ANO5: variants seen among roughly 807,000 people sequenced by gnomAD.
ANO5 encodes anoctamin-5.
ANO5 carries 109 observed loss-of-function variants against 121.0 expected under a neutral mutation model. The observed-to-expected ratio is 0.90, with a 90% confidence interval of 0.77 to 1.06. ANO5 has a LOEUF of 1.06. Among genes scored for constraint, ANO5 ranks in the 50% least tolerant of loss-of-function variants. ANO5 has a pLI of 0.00. For missense variants in ANO5, 1,064 were observed against 1,078.5 expected, an observed-to-expected ratio of 0.99 and a Z score of 0.19; for synonymous variants, 406 against 359.9, an observed-to-expected ratio of 1.13 and a Z score of -1.45.
At chr11:22,258,283 T>G (rs1322636074) in intron 14 of ANO5, among the ~76,000 whole-genome samples, 2 of 152,222 alleles carry the variant, frequency 1.3e-5, no homozygotes, top group Non-Finnish European at 2.9e-5. Flanking sequence ...CCCCATATGA[T>G]TTATCTTTAG....
chr11:22,204,212 C>T (rs953400963), intron 2 of ANO5, among the ~76,000 whole-genome samples: 1 of 152,022 alleles, frequency 6.6e-6, no homozygotes, highest in Admixed American at 6.6e-5. Context: ...ATGATTAGTG[C>T]TTATCTATGA....
chr11:22,257,079 T>TTG (rs1564940201), intron 13 of ANO5, among the ~76,000 whole-genome samples: 4 of 151,936 alleles, frequency 2.6e-5, no homozygotes, highest in African/African-American at 7.3e-5. Context: ...AGCGTTTTTT[T>TTG]TTTGTTTGTT....
intron 17 of ANO5, among the ~76,000 whole-genome samples, chr11:22,268,431 C>A (rs147150666): frequency 2.8e-5 from 4 of 143,336 alleles, no homozygotes; most frequent in South Asian, 2.1e-4. Flanking sequence ...TAAATGATAT[C>A]TTTTTAGAAT....
chr11:22,210,884 A>T (rs1852255888), intron 2 of ANO5, among the ~76,000 whole-genome samples: 1 of 151,978 alleles, frequency 6.6e-6, no homozygotes. Context: ...TTCAGGATGC[A>T]GCATCATAAA....
Position 22,279,716 on chromosome 11 carries a change from A to G in ANO5, c.2693A>G (p.His898Arg). 1 of 1,612,936 alleles carries G rather than the reference A, an allele frequency of 6.2e-7. No homozygotes were observed. Among genetic ancestry groups the G allele is most frequent in the Non-Finnish European group, 8.5e-7 (1 of 1,179,196 alleles). The stretch of plus-strand genomic sequence containing the variant: ...ATTAATTCTAATGAATTTGCCAAGC[A>G]TGTCATGATTGAGGAAAACAAAGCA... ...LGINSNEFAK[H>R]VMIEENKAQL... The change falls in exon 22 of 22, where the codon CAT (histidine) becomes CGT (arginine). Residue 898 changes from histidine to arginine, a missense_variant. Coordinates refer to ENST00000324559, the MANE Select transcript of ANO5 (RefSeq NM_213599.3).
chr11:22,247,602 G>A lies in ANO5; in HGVS notation c.879-2635G>A, dbSNP rs544970153. ...CAAAAATAAGGAAGACAGAATGATA[G>A]GGTGTCTAGAAAGAGATACAGTTTA... On this transcript the variant is annotated intron_variant, in intron 9 of 21. Coordinates refer to ENST00000324559, the MANE Select transcript of ANO5 (RefSeq NM_213599.3). Among the ~76,000 whole-genome samples the A allele has an allele frequency of 8.5e-5, 13 of 152,190 alleles. No individual in the cohort carries two copies. In the East Asian group the frequency reaches 2.5e-3, roughly 29 times the overall value.
chr11:22,228,067 G>A (rs1392858065), intron 7 of ANO5, among the ~76,000 whole-genome samples: 1 of 151,806 alleles, frequency 6.6e-6, no homozygotes. Context: ...CTTCTAAATA[G>A]TCTTGTTTTC....
At chr11:22,207,907 G>A (rs1006035285) in intron 2 of ANO5, among the ~76,000 whole-genome samples, 2 of 151,938 alleles carry the variant, frequency 1.3e-5, no homozygotes, top group Non-Finnish European at 2.9e-5. Context: ...GAAATATGAT[G>A]GCAAATAAGC....
Position 22,269,192 on chromosome 11 carries a change from A to T in ANO5, c.1899-1120A>T, listed in dbSNP as rs1195943236. 9.8e-5 allele frequency among the ~76,000 whole-genome samples: 14 copies of T among 142,562 alleles called. 1 individual carries two copies. Among genetic ancestry groups the T allele is most frequent in the East Asian group, 4.1e-4 (2 of 4,928 alleles). The allele number at this position is 142,562 out of a possible 152,430, so 93.5% of individuals were successfully genotyped here. On this transcript the variant is annotated intron_variant, in intron 17 of 21. Transcript: ENST00000324559. The stretch of plus-strand genomic sequence containing the variant: ...GGGAAGGGAAGAGAAGGAAAAGGGA[A>T]GGGAAGGGAAGAGAAGGGAAGAAGG...
intron 14 of ANO5, 66 bp from the exon 15 acceptor site, chr11:22,259,453 G>A: frequency 7.0e-7 from 1 of 1,428,448 alleles, no homozygotes; most frequent in Non-Finnish European, 9.9e-7. Flanking sequence ...TAATCAATAT[G>A]TTAGATATAT....
At chr11:22,215,261 C>A (rs1852403362) in intron 3 of ANO5, among the ~76,000 whole-genome samples, 2 of 151,910 alleles carry the variant, frequency 1.3e-5, no homozygotes, top group Non-Finnish European at 2.9e-5. Context: ...TGATATGGCA[C>A]AGGCACAAAC....
chr11:22,258,723 A>C (rs576293061), intron 14 of ANO5, among the ~76,000 whole-genome samples: 1 of 152,222 alleles, frequency 6.6e-6, no homozygotes, highest in Non-Finnish European at 1.5e-5. Flanking sequence ...TTTAACTTCA[A>C]TGTAGAGCAT....
At chr11:22,263,096 C>A in intron 17 of ANO5, 53 bp downstream of exon 17, 1 of 1,454,654 alleles carries the variant, frequency 6.9e-7, no homozygotes, top group Non-Finnish European at 9.6e-7. Context: ...TGAGATATTT[C>A]CTCTAGAAGA....
At chr11:22,204,950 T>C (rs1413820138) in intron 2 of ANO5, among the ~76,000 whole-genome samples, 2 of 152,090 alleles carry the variant, frequency 1.3e-5, no homozygotes, top group African/African-American at 4.8e-5. Context: ...TCAACCTAAA[T>C]GCCCATCAAT....
At chr11:22,224,648 T>TC (rs913638839) in intron 5 of ANO5, among the ~76,000 whole-genome samples, 1 of 151,980 alleles carries the variant, frequency 6.6e-6, no homozygotes, top group African/African-American at 2.4e-5. Flanking sequence ...AAGGAAATGC[T>TC]CCAGGACATT....
chr11:22,250,350 C>T lies in ANO5; in HGVS notation c.992C>T (p.Ser331Leu). The T allele has an allele frequency of 1.9e-6, 3 of 1,613,502 alleles. No homozygotes were observed. Among genetic ancestry groups the T allele is most frequent in the Non-Finnish European group, 2.5e-6 (3 of 1,179,692 alleles). Residue 331 changes from serine to leucine, a missense_variant, in exon 10 of 22, where the codon TCA becomes TTA. By Grantham distance (145) the Ser-to-Leu change is moderately radical (BLOSUM62 -2). Transcript: ENST00000324559. ...GCTTGTTTTATTTATGGCTTATTATCAATGGAACATAACACAAGCAGGTAA... is the reference window on the plus strand; with the variant it reads ...GCTTGTTTTATTTATGGCTTATTATTAATGGAACATAACACAAGCAGGTAA... ...GLACFIYGLL[S>L]MEHNTSSTEI...
chr11:22,201,943 T>C (rs1257100105), intron 1 of ANO5, among the ~76,000 whole-genome samples: 1 of 152,044 alleles, frequency 6.6e-6, no homozygotes, highest in Admixed American at 6.6e-5. Flanking sequence ...TAATTGTGTG[T>C]TAAGGCCCCT....
At chr11:22,225,841 T>TA in intron 5 of ANO5, 143 bp from the exon 6 acceptor site, 1 of 649,338 alleles carries the variant, frequency 1.5e-6, no homozygotes, top group South Asian at 1.9e-5. Context: ...GTACCTGACA[T>TA]TCAGATGGAG....
At position 22,263,852 on chromosome 11, in the gene ANO5, T is replaced by C. The variant is rs534170036; in HGVS notation, c.1898+809T>C. Among the ~76,000 whole-genome samples, 12 of 152,120 alleles carry C rather than the reference T, an allele frequency of 7.9e-5. No homozygotes were observed. In the East Asian group the frequency reaches 9.7e-4, roughly 12 times the overall value. ...GAAAGAAGACTGAAAACACCATCCC[T>C]GCACCTTCCCACCTCCAATATACAC... On this transcript the variant is annotated intron_variant, in intron 17 of 21. Transcript: ENST00000324559.
Sources: gnomAD v4.1 joint callset for allele counts (sites outside exome capture counted in the v4.1 genomes callset) on GRCh38, gnomAD v4.1.1 for gene constraint, MANE v1.5 for transcripts, NCBI Gene and HGNC (gene_info 2026-07-23, HGNC 2026-07-21) for gene names.